Variants in GPC5 observed in about 807,000 individuals in gnomAD.
The protein encoded by GPC5 is glypican 5.
Under a neutral mutation model 53.9 loss-of-function variants are expected in GPC5, and 47 were observed. The ratio of observed to expected loss-of-function variants is 0.87; its 90% CI spans 0.69 to 1.11. The LOEUF (loss-of-function observed/expected upper bound fraction) is 1.11. Ranked by LOEUF, GPC5 falls within the 50% of genes most tolerant of loss-of-function variation. The pLI is 0.00. For synonymous variants in GPC5, 286 were observed against 263.3 expected, an observed-to-expected ratio of 1.09 and a Z score of -0.84; for missense variants, 748 against 713.1, an observed-to-expected ratio of 1.05 and a Z score of -0.56.
intron 2 of GPC5, among the ~76,000 whole-genome samples, chr13:91,493,708 G>A (rs527500256): frequency 6.6e-6 from 1 of 152,026 alleles, no homozygotes; most frequent in Non-Finnish European, 1.5e-5. Flanking sequence ...CCAGACATTC[G>A]CTTCATTCCT....
chr13:91,992,216 A>G (rs1052080053), intron 6 of GPC5, among the ~76,000 whole-genome samples: 2 of 152,026 alleles, frequency 1.3e-5, no homozygotes, highest in African/African-American at 4.8e-5. Context: ...AAACTTTTTC[A>G]GAGAGAGGAT....
At chr13:92,498,805 C>G (rs1023682112) in intron 7 of GPC5, among the ~76,000 whole-genome samples, 2 of 152,100 alleles carry the variant, frequency 1.3e-5, no homozygotes, top group African/African-American at 2.4e-5. Context: ...ATTGGCCTGG[C>G]ATGTCATCCT....
chr13:92,639,811 C>G (rs1164483021), intron 7 of GPC5, among the ~76,000 whole-genome samples: 1 of 152,160 alleles, frequency 6.6e-6, no homozygotes, highest in Non-Finnish European at 1.5e-5. Context: ...ACTCTTCCCT[C>G]CCCACATCGA....
chr13:92,608,201 T>G (rs1485127735), intron 7 of GPC5, among the ~76,000 whole-genome samples: 1 of 152,160 alleles, frequency 6.6e-6, no homozygotes, highest in Non-Finnish European at 1.5e-5. Flanking sequence ...AAAAATTATA[T>G]TTGGATTTTC....
At chr13:91,855,729 G>A (rs1438216633) in intron 5 of GPC5, among the ~76,000 whole-genome samples, 1 of 151,538 alleles carries the variant, frequency 6.6e-6, no homozygotes, top group Non-Finnish European at 1.5e-5. Flanking sequence ...CAATTCTGCA[G>A]ATCTCTGATG....
intron 2 of GPC5, among the ~76,000 whole-genome samples, chr13:91,648,425 T>A (rs1473477805): frequency 7.4e-6 from 1 of 134,528 alleles, no homozygotes; most frequent in East Asian, 1.9e-4. Context: ...AATATGAGAT[T>A]GTCACTCTTA....
chr13:92,691,274 C>T lies in GPC5; in HGVS notation c.1562-175008C>T, dbSNP rs1326985385. 2.4e-5 allele frequency among the ~76,000 whole-genome samples: 3 copies of T among 122,982 alleles called. No individual in the cohort carries two copies. In the Admixed American group the frequency reaches 2.8e-4, roughly 11 times the overall value. The allele number at this position is 122,982 out of a possible 152,430, so 80.7% of individuals were successfully genotyped here. ...TGTGGGATATAGTCTCATGGTGCGC[C>T]GTTTCTTAAGCCGGTCTGAAAAGCG... On this transcript the variant is annotated intron_variant, in intron 7 of 7. Coordinates refer to ENST00000377067, the MANE Select transcript of GPC5 (RefSeq NM_004466.6).
intron 5 of GPC5, among the ~76,000 whole-genome samples, chr13:91,758,511 T>C (rs2037342685): frequency 6.6e-6 from 1 of 152,176 alleles, no homozygotes; most frequent in Admixed American, 6.5e-5. Flanking sequence ...GTTTGTGTAA[T>C]GGGAAATACT....
chr13:91,766,328 C>A (rs1212098506), intron 5 of GPC5, among the ~76,000 whole-genome samples: 1 of 152,130 alleles, frequency 6.6e-6, no homozygotes, highest in Non-Finnish European at 1.5e-5. Context: ...ATTATGTTTT[C>A]TCCTTCTCAC....
At chr13:92,274,454 G>C (rs1440083794) in intron 7 of GPC5, among the ~76,000 whole-genome samples, 5 of 151,974 alleles carry the variant, frequency 3.3e-5, no homozygotes, top group African/African-American at 1.2e-4. Flanking sequence ...TGAGTAACTC[G>C]TACTTATTGT....
intron 2 of GPC5, among the ~76,000 whole-genome samples, chr13:91,458,417 G>T (rs934908168): frequency 5.3e-5 from 8 of 152,002 alleles, no homozygotes; most frequent in African/African-American, 1.7e-4. Context: ...AACATTCCCC[G>T]CCAAGAGCTG....
intron 6 of GPC5, among the ~76,000 whole-genome samples, chr13:92,011,880 T>C (rs1053880165): frequency 6.6e-6 from 1 of 152,226 alleles, no homozygotes; most frequent in South Asian, 2.1e-4. Flanking sequence ...ATTGCTGTAA[T>C]GTTCACAGGT....
At chr13:92,708,236 T>C (rs1888015193) in intron 7 of GPC5, among the ~76,000 whole-genome samples, 2 of 152,176 alleles carry the variant, frequency 1.3e-5, no homozygotes, top group African/African-American at 2.4e-5. Flanking sequence ...TTGCAATCCA[T>C]AGCTTTTTCC....
intron 2 of GPC5, among the ~76,000 whole-genome samples, chr13:91,501,168 G>A (rs1884607861): frequency 6.7e-6 from 1 of 149,852 alleles, no homozygotes; most frequent in Admixed American, 6.7e-5. Flanking sequence ...TTAGCTTTTA[G>A]TTTAATATCC....
chr13:91,775,920 G>A (rs939024094), intron 5 of GPC5, among the ~76,000 whole-genome samples: 1 of 152,166 alleles, frequency 6.6e-6, no homozygotes, highest in Non-Finnish European at 1.5e-5. Flanking sequence ...GTTAGAAAGA[G>A]CAGGCACCAT....
chr13:91,896,066 A>G lies in GPC5; in HGVS notation c.1281-11871A>G, dbSNP rs142320332. Among the ~76,000 whole-genome samples the G allele has an allele frequency of 5.6e-3, 850 of 151,416 alleles. 13 individuals are homozygous for G. The highest frequency in any genetic ancestry group is 0.02 in the African/African-American group (811 of 41,242). Reference sequence around the variant, plus strand: ...TACAGGAACACATGTGATTGTATTTAGGGCCTGCCCAGATAATCTTGGATA... The same window carrying G: ...TACAGGAACACATGTGATTGTATTTGGGGCCTGCCCAGATAATCTTGGATA... On this transcript the variant is annotated intron_variant, in intron 5 of 7. Transcript: ENST00000377067.
chr13:91,992,330 G>T (rs1298201277), intron 6 of GPC5, among the ~76,000 whole-genome samples: 1 of 152,072 alleles, frequency 6.6e-6, no homozygotes, highest in Admixed American at 6.5e-5. Context: ...ACCATGCTGG[G>T]TCTAAGGGTT....
intron 7 of GPC5, among the ~76,000 whole-genome samples, chr13:92,152,298 C>T (rs1295052935): frequency 4.6e-5 from 7 of 152,090 alleles, no homozygotes; most frequent in African/African-American, 1.7e-4. Context: ...ATATCTTGAA[C>T]AAGTAACTTC....
At chr13:91,894,457 C>T (rs2039420288) in intron 5 of GPC5, among the ~76,000 whole-genome samples, 1 of 152,152 alleles carries the variant, frequency 6.6e-6, no homozygotes, top group African/African-American at 2.4e-5. Context: ...CCCATGATGA[C>T]CATTGATCCA....
Sources: gnomAD v4.1 joint callset for allele counts (sites outside exome capture counted in the v4.1 genomes callset) on GRCh38, gnomAD v4.1.1 for gene constraint, MANE v1.5 for transcripts, NCBI Gene and HGNC (gene_info 2026-07-23, HGNC 2026-07-21) for gene names.